Variants in RTN1 observed in about 807,000 individuals in gnomAD.
RTN1 encodes the protein reticulon 1.
RTN1 carries 25 observed loss-of-function variants against 65.5 expected under a neutral mutation model. The observed-to-expected ratio is 0.38, with a 90% CI of 0.28 to 0.53. The LOEUF (loss-of-function observed/expected upper bound fraction) is 0.53, where lower values mean the gene tolerates loss of function less well. Among genes scored for constraint, RTN1 ranks in the 20% least tolerant of loss-of-function variants. The pLI is 0.79. For missense variants in RTN1, 983 were observed against 1,025.4 expected (o/e 0.96, Z 0.57); for synonymous variants, 471 against 447.6 (o/e 1.05, Z -0.66).
chr14:59,778,596 A>T (rs1886096661), intron 1 of RTN1, among the ~76,000 whole-genome samples: 1 of 152,312 alleles, frequency 6.6e-6, no homozygotes, highest in South Asian at 2.1e-4. Context: ...TATTTGAGTG[A>T]GGGAAGTTTG....
At chr14:59,757,280 C>A (rs972588986) in intron 1 of RTN1, among the ~76,000 whole-genome samples, 1 of 152,128 alleles carries the variant, frequency 6.6e-6, no homozygotes, top group Non-Finnish European at 1.5e-5. Flanking sequence ...TCCCATGATT[C>A]CCACATATTT....
chr14:59,742,385 T>C (rs1594714134), intron 2 of RTN1, among the ~76,000 whole-genome samples: 1 of 152,210 alleles, frequency 6.6e-6, no homozygotes, highest in South Asian at 2.1e-4. Context: ...AGGGCATTTA[T>C]TATGTTTTCC....
chr14:59,632,003 T>C (rs1882566945), intron 3 of RTN1, among the ~76,000 whole-genome samples: 1 of 152,232 alleles, frequency 6.6e-6, no homozygotes, highest in Admixed American at 6.5e-5. Flanking sequence ...CTAAGGACAG[T>C]AATCTCAAGG....
intron 3 of RTN1, among the ~76,000 whole-genome samples, chr14:59,654,935 G>A (rs1454792521): frequency 1.3e-5 from 2 of 152,096 alleles, no homozygotes; most frequent in East Asian, 3.8e-4. Flanking sequence ...CACAACTTCT[G>A]TTCAGTACTG....
At position 59,849,059 on chromosome 14, in the gene RTN1, T is replaced by C. The variant is rs1306826369; in HGVS notation, c.241+21331A>G. Among the ~76,000 whole-genome samples the C allele has an allele frequency of 6.6e-6, 1 of 152,230 alleles. No homozygotes were observed. Among genetic ancestry groups the C allele is most frequent in the East Asian group, 1.9e-4 (1 of 5,194 alleles). ...CCTCATCAACTTAGCAGGAAGTTGC[T>C]GGAAGACTCCTTTTCTATATGTAGT... On this transcript the variant is annotated intron_variant, in intron 1 of 8. Transcript: ENST00000267484. The surrounding 1 kb of genome is among the most constrained non-coding windows in gnomAD (Gnocchi z 4.5).
rs889022684 is a variant in RTN1, at chr14:59,719,544, G to A, written c.1765+7375C>T. On this transcript the variant is annotated intron_variant, in intron 3 of 8. Coordinates refer to ENST00000267484, the MANE Select transcript of RTN1 (RefSeq NM_021136.3). Reference sequence around the variant, plus strand: ...CTTTGGTAACCACTACATTGCTAGTGTCAGGCACATCCTATGCCATATTGG... The same window carrying A: ...CTTTGGTAACCACTACATTGCTAGTATCAGGCACATCCTATGCCATATTGG... Among the ~76,000 whole-genome samples the A allele has an allele frequency of 3.9e-5, 6 of 152,366 alleles. 1 individual carries two copies. The highest frequency in any genetic ancestry group is 1.5e-5 in the Non-Finnish European group (1 of 68,034).
chr14:59,665,639 A>G (rs745927246), intron 3 of RTN1, among the ~76,000 whole-genome samples: 3 of 152,212 alleles, frequency 2.0e-5, no homozygotes, highest in African/African-American at 7.2e-5. Flanking sequence ...TAAAAGACAC[A>G]GACTGGCAAA....
intron 3 of RTN1, among the ~76,000 whole-genome samples, chr14:59,624,465 C>CTT (rs113013375): frequency 7.0e-6 from 1 of 142,012 alleles, no homozygotes; most frequent in African/African-American, 2.6e-5. Context: ...ATTTTCTTTT[C>CTT]TTTTTTTTTT....
intron 3 of RTN1, among the ~76,000 whole-genome samples, chr14:59,673,272 G>A (rs1883550357): frequency 6.6e-6 from 1 of 152,166 alleles, no homozygotes; most frequent in South Asian, 2.1e-4. Context: ...GTGAGTGGGA[G>A]GGAGTGGTGC....
rs867222214 is a variant in RTN1 at position 59,749,310 on chromosome 14, A to C, written c.242-2829T>G. Among the ~76,000 whole-genome samples the C allele has an allele frequency of 6.5e-4, 20 of 30,632 alleles. 1 individual carries two copies. Among genetic ancestry groups the C allele is most frequent in the African/African-American group, 1.9e-3 (11 of 5,780 alleles). 20.1% of individuals were successfully genotyped at this position (30,632 alleles called of 152,430 possible). On this transcript the variant is annotated intron_variant, in intron 1 of 8. Coordinates refer to ENST00000267484, the MANE Select transcript of RTN1 (RefSeq NM_021136.3). ...TATCTATATATATCTATATATATCT[A>C]TATATATATCTATATATCTATATAT...
chr14:59,783,953 A>G (rs1886204526), intron 1 of RTN1, among the ~76,000 whole-genome samples: 1 of 150,584 alleles, frequency 6.6e-6, no homozygotes, highest in Non-Finnish European at 1.5e-5. Flanking sequence ...TTAAATGCAC[A>G]TATTTCTGAT....
rs1047699460 is a variant in RTN1 at position 59,849,598 on chromosome 14, TC to T, written c.241+20791del. On this transcript the variant is annotated intron_variant, in intron 1 of 8. Transcript: ENST00000267484. The surrounding 1 kb of genome is among the most constrained non-coding windows in gnomAD (Gnocchi z 4.5). ...GCCTGACTCAGCCCACTGATTGATT[TC>T]ATTCAGCTGGGGGTGAGAAAGCTTT... 1.3e-5 allele frequency among the ~76,000 whole-genome samples: 2 copies of T among 152,184 alleles called. No individual in the cohort carries two copies. The highest frequency in any genetic ancestry group is 2.9e-5 in the Non-Finnish European group (2 of 68,032).
rs1594774849 is a variant in RTN1 at position 59,870,603 on chromosome 14, C to T, written c.28G>A (p.Glu10Lys). The T allele has an allele frequency of 1.4e-6, 2 of 1,433,862 alleles. No individual in the cohort carries two copies. Among genetic ancestry groups the T allele is most frequent in the Non-Finnish European group, 1.8e-6 (2 of 1,098,122 alleles). 88.8% of individuals were successfully genotyped at this position (1,433,862 alleles called of 1,614,324 possible). The change falls in exon 1 of 9, where the codon GAG becomes AAG. Residue 10 changes from glutamate (E) to lysine (K), a missense_variant. Physicochemically the swap from Glu to Lys is moderately conservative, Grantham distance 56. Transcript: ENST00000267484. This position sits in a 1 kb window ranked among gnomAD's most constrained non-coding sequence, Gnocchi z 5.1. ...CCGGGGCCGGCCAGCGGCAGCAGCT[C>T]GTCCTGCGGATCCCCCGGCGCGGCC... MAAPGDPQD[E>K]LLPLAGPGSQ...
chr14:59,844,723 C>T (rs1350647674), intron 1 of RTN1, among the ~76,000 whole-genome samples: 1 of 152,010 alleles, frequency 6.6e-6, no homozygotes, highest in Non-Finnish European at 1.5e-5. Context: ...TAAGATGGCA[C>T]ATATTATGTT....
intron 3 of RTN1, among the ~76,000 whole-genome samples, chr14:59,634,509 T>C (rs935843458): frequency 3.9e-5 from 6 of 152,224 alleles, no homozygotes; most frequent in Non-Finnish European, 5.9e-5. Context: ...CAGGTGCTTC[T>C]TCATGTGGTA....
chr14:59,643,464 C>T (rs1296296168), intron 3 of RTN1, among the ~76,000 whole-genome samples: 4 of 152,176 alleles, frequency 2.6e-5, no homozygotes, highest in South Asian at 2.1e-4. Flanking sequence ...ATGACCCATC[C>T]GCGTTGGCCT....
At chr14:59,683,013 C>T (rs1883775823) in intron 3 of RTN1, among the ~76,000 whole-genome samples, 1 of 152,068 alleles carries the variant, frequency 6.6e-6, no homozygotes, top group African/African-American at 2.4e-5. Flanking sequence ...TCAACTGACA[C>T]AAGATATTTG....
chr14:59,827,419 G>C (rs535206052), intron 1 of RTN1, among the ~76,000 whole-genome samples: 4 of 152,122 alleles, frequency 2.6e-5, no homozygotes, highest in African/African-American at 9.6e-5. Context: ...GCATCGCTTG[G>C]GTTCATTTTC....
At chr14:59,608,098 T>C (rs1313231261) in intron 3 of RTN1, among the ~76,000 whole-genome samples, 1 of 152,158 alleles carries the variant, frequency 6.6e-6, no homozygotes, top group Non-Finnish European at 1.5e-5. Context: ...AGAGTAGTCA[T>C]AGTGCTTCAA....
Sources: allele counts gnomAD v4.1 joint callset (sites outside exome capture counted in the v4.1 genomes callset), GRCh38; gene constraint gnomAD v4.1.1; non-coding constraint Gnocchi (gnomAD v3.1); transcripts MANE v1.5; gene names NCBI Gene and HGNC (gene_info 2026-07-23, HGNC 2026-07-21).